Variants in MINAR1 observed in about 807,000 individuals in gnomAD.
The protein encoded by MINAR1 is major intrinsically disordered Notch2-binding receptor 1.
A neutral mutation model predicts 65.1 loss-of-function variants in MINAR1; 40 were observed. The observed-to-expected ratio is 0.61, with a 90% confidence interval of 0.48 to 0.80. The LOEUF is 0.80. Ranked by LOEUF, MINAR1 falls within the 30% of genes least tolerant of loss-of-function variation. The pLI is 0.00. For missense variants in MINAR1, 1,128 were observed against 1,148.0 expected, an observed-to-expected ratio of 0.98 and a Z score of 0.25; for synonymous variants, 482 against 449.1, an observed-to-expected ratio of 1.07 and a Z score of -0.93.
At chr15:79,466,911 G>C (rs1399091813) in intron 3 of MINAR1, among the ~76,000 whole-genome samples, 1 of 152,190 alleles carries the variant, frequency 6.6e-6, no homozygotes, top group Non-Finnish European at 1.5e-5. Flanking sequence ...AATAGGAGCT[G>C]GGCCACTGCC....
chr15:79,437,709 GGT>G (rs1437870960), intron 1 of MINAR1, among the ~76,000 whole-genome samples: 3 of 80,710 alleles, frequency 3.7e-5, no homozygotes, highest in Non-Finnish European at 8.7e-5. Flanking sequence ...GTGGGGTGTG[GGT>G]GTGGGTGGGT....
chr15:79,456,220 G>A lies in MINAR1; in HGVS notation c.73G>A (p.Val25Ile), dbSNP rs200499208. 5.3e-5 allele frequency: 85 copies of A among 1,614,012 alleles called. No homozygotes were observed. The highest frequency in any genetic ancestry group is 1.1e-4 in the South Asian group (10 of 91,080). Residue 25 changes from valine to isoleucine, a missense_variant, in exon 2 of 4, where the codon GTT becomes ATT. By Grantham distance (29) the Val-to-Ile change is conservative. Transcript: ENST00000305428. ...LEELDSKQNTVSYQDLCKSLC... is the reference protein window; with the variant it reads ...LEELDSKQNTISYQDLCKSLC... ...GGAACTGGACAGCAAGCAAAATACC[G>A]TTTCTTATCAGGACCTGTGCAAATC...
upstream of MINAR1, among the ~76,000 whole-genome samples, chr15:79,429,057 G>T (rs944385392): frequency 6.6e-6 from 1 of 152,214 alleles, no homozygotes; most frequent in Non-Finnish European, 1.5e-5. Flanking sequence ...GGGCACTGGA[G>T]AAAGAGGAGC....
rs915598755 is a variant in MINAR1, at chr15:79,466,198, A to G, written c.2554-1989A>G. On this transcript the variant is annotated intron_variant, in intron 3 of 3. Transcript: ENST00000305428. ...TTCCATGTAACTTGAGAAATTAAAC[A>G]GCAGTCTCTAAACATTATGCCTCGG... Among the ~76,000 whole-genome samples, 31 of 152,250 alleles carry G rather than the reference A, an allele frequency of 2.0e-4. 1 individual carries two copies. The highest frequency in any genetic ancestry group is 7.2e-4 in the African/African-American group (30 of 41,464).
intron 1 of MINAR1, among the ~76,000 whole-genome samples, chr15:79,449,977 A>C (rs546350253): frequency 6.6e-6 from 1 of 152,294 alleles, no homozygotes; most frequent in Non-Finnish European, 1.5e-5. Flanking sequence ...CTGTGAAGCC[A>C]GCTTTACCTT....
the MINAR1 span, chr15:79,423,658 C>A: frequency 6.6e-6 from 1 of 152,200 alleles, no homozygotes; most frequent in East Asian, 1.9e-4. Context: ...TGTCACTCAT[C>A]TCAGAATGGT....
intron 3 of MINAR1, among the ~76,000 whole-genome samples, chr15:79,465,367 C>T (rs1335636947): frequency 6.6e-6 from 1 of 152,158 alleles, no homozygotes; most frequent in Non-Finnish European, 1.5e-5. Flanking sequence ...CATTCACCAT[C>T]AGTGGTGCCC....
Position 79,456,586 on chromosome 15 carries a change from A to G in MINAR1, c.439A>G (p.Ser147Gly). Residue 147 changes from serine to glycine, a missense_variant, in exon 2 of 4, where the codon AGC becomes GGC. Ser to Gly is a moderately conservative substitution (Grantham distance 56, BLOSUM62 0). Transcript: ENST00000305428. ...LNCELSERSFSRGYPIRQSSK... is the reference protein window; with the variant it reads ...LNCELSERSFGRGYPIRQSSK... ...CTGTGAGCTGAGTGAGAGGTCTTTC[A>G]GCCGGGGCTACCCCATCAGGCAGTC... 1 of 1,614,164 alleles carries G rather than the reference A, an allele frequency of 6.2e-7. No homozygotes were observed. The highest frequency in any genetic ancestry group is 8.5e-7 in the Non-Finnish European group (1 of 1,180,036).
At position 79,469,015 on chromosome 15, in the gene MINAR1, A is replaced by G. The variant is rs1446058971; in HGVS notation, c.*631A>G. ...GACCTTCTTCCTTGCACTTGGAGTG[A>G]GAAGGAGCTGGACTACCAAGTCAGG... On this transcript the variant is annotated 3_prime_UTR_variant, in exon 4 of 4. Transcript: ENST00000305428. 6.4e-6 allele frequency: 1 copy of G among 155,344 alleles called. No individual in the cohort carries two copies. The highest frequency in any genetic ancestry group is 1.4e-5 in the Non-Finnish European group (1 of 69,802). The allele number at this position is 155,344 out of a possible 1,614,324, so 9.6% of individuals were successfully genotyped here.
intron 3 of MINAR1, among the ~76,000 whole-genome samples, chr15:79,464,661 C>T (rs1392167541): frequency 6.6e-6 from 1 of 152,166 alleles, no homozygotes; most frequent in Non-Finnish European, 1.5e-5. Context: ...TATCTTGGGC[C>T]TTAAATGACA....
At position 79,472,043 on chromosome 15, in the gene MINAR1, AT is replaced by A. The variant is rs1669239920; in HGVS notation, c.*3663del. 1 of 152,460 alleles carries A rather than the reference AT, an allele frequency of 6.6e-6. No homozygotes were observed. Among genetic ancestry groups the A allele is most frequent in the Admixed American group, 6.6e-5 (1 of 15,264 alleles). The allele number at this position is 152,460 out of a possible 1,614,324, so 9.4% of individuals were successfully genotyped here. On this transcript the variant is annotated 3_prime_UTR_variant, in exon 4 of 4. Transcript: ENST00000305428. The stretch of plus-strand genomic sequence containing the variant: ...AAAAGAGTGTGGAATGTAAGGTGAA[AT>A]TTTATGTGCAAGATCCTGAAGGAAT...
At position 79,463,308 on chromosome 15, in the gene MINAR1, C is replaced by A; in HGVS notation, c.2540C>A (p.Ala847Asp). The A allele has an allele frequency of 6.2e-7, 1 of 1,612,758 alleles. No individual in the cohort carries two copies. The highest frequency in any genetic ancestry group is 2.2e-5 in the East Asian group (1 of 44,830). Residue 847 changes from alanine to aspartate, a missense_variant, in exon 3 of 4, where the codon GCC becomes GAC. Ala to Asp is a moderately radical substitution (Grantham distance 126). Coordinates refer to ENST00000305428, the MANE Select transcript of MINAR1 (RefSeq NM_015206.3). ...GCGGGCGACAAGGGCAAGCTGACAG[C>A]CCTGGACCTGCAGGTGAGCCTCTCA... ...RNAGDKGKLT[A>D]LDLQTQESLN... is the part of the protein sequence containing the mutation.
rs74848213 is a variant in MINAR1, at chr15:79,466,372, T to C, written c.2554-1815T>C. ...AATCCTTTAGGCCTTGTGGGCCTTA[T>C]AATCTCCCATTGTACAATCTGCCAT... is the stretch of plus-strand genomic sequence containing the variant. On this transcript the variant is annotated intron_variant, in intron 3 of 3. Coordinates refer to ENST00000305428, the MANE Select transcript of MINAR1 (RefSeq NM_015206.3). Among the ~76,000 whole-genome samples the C allele has an allele frequency of 0.012, 1,814 of 152,334 alleles. 210 individuals are homozygous for C. In the East Asian group the frequency reaches 0.27, roughly 23 times the overall value.
At chr15:79,452,641 GGT>G (rs1895258877) in intron 1 of MINAR1, among the ~76,000 whole-genome samples, 1 of 127,190 alleles carries the variant, frequency 7.9e-6, no homozygotes, top group South Asian at 2.6e-4. Context: ...TGTGTGTGTG[GGT>G]GTGTGTCTGG....
At chr15:79,434,939 C>T (rs900716047) in intron 1 of MINAR1, among the ~76,000 whole-genome samples, 3 of 152,148 alleles carry the variant, frequency 2.0e-5, no homozygotes, top group Non-Finnish European at 4.4e-5. Flanking sequence ...TCTTTTTCCC[C>T]TTCTCTCTCG....
At chr15:79,447,540 T>C (rs1243979365) in intron 1 of MINAR1, among the ~76,000 whole-genome samples, 1 of 152,200 alleles carries the variant, frequency 6.6e-6, no homozygotes, top group African/African-American at 2.4e-5. Context: ...TTGAGTAGTA[T>C]TTTCTCTTGT....
At chr15:79,430,729 C>T (rs920536514), upstream of MINAR1, among the ~76,000 whole-genome samples, 3 of 152,210 alleles carry the variant, frequency 2.0e-5, no homozygotes, top group Non-Finnish European at 4.4e-5. Flanking sequence ...TAGGTTTGAA[C>T]TTGCCTCACA....
At chr15:79,453,455 C>T (rs955928545) in intron 1 of MINAR1, among the ~76,000 whole-genome samples, 4 of 152,162 alleles carry the variant, frequency 2.6e-5, no homozygotes, top group African/African-American at 9.7e-5. Context: ...CATGGGGGTA[C>T]TCTTCCTGCC....
At position 79,458,258 on chromosome 15, in the gene MINAR1, TCAC is replaced by T; in HGVS notation, c.2114_2116del (p.Thr705del). On this transcript the variant is annotated inframe_deletion, in exon 2 of 4. Coordinates refer to ENST00000305428, the MANE Select transcript of MINAR1 (RefSeq NM_015206.3). ...GTCAAGGCCTTAAAAAAAAGCCTCT[TCAC>T]CAGGCCATCCTCTAGGTCCCTAACA... 1.9e-6 allele frequency: 3 copies of T among 1,613,980 alleles called. No homozygotes were observed. The highest frequency in any genetic ancestry group is 2.5e-6 in the Non-Finnish European group (3 of 1,180,018).
Sources: gnomAD v4.1 joint callset for allele counts (sites outside exome capture counted in the v4.1 genomes callset) on GRCh38, gnomAD v4.1.1 for gene constraint, MANE v1.5 for transcripts, NCBI Gene and HGNC (gene_info 2026-07-23, HGNC 2026-07-21) for gene names.